Variants in STK40 observed in about 807,000 individuals in gnomAD.
The protein encoded by STK40 is serine/threonine kinase 40.
Under a neutral mutation model 47.9 loss-of-function variants are expected in STK40, and 13 were observed. That is an observed-to-expected ratio of 0.27 (90% CI 0.18 to 0.43). The LOEUF (loss-of-function observed/expected upper bound fraction) is 0.43, where lower values mean the gene tolerates loss of function less well. STK40 is among the 20% of genes least tolerant of loss of function. The probability of loss-of-function intolerance (pLI) is 1.00; values close to 1 mark genes in which losing one functional copy is unlikely to be tolerated. For missense variants in STK40, 460 were observed against 595.1 expected (o/e 0.77, Z 2.36); for synonymous variants, 225 against 243.2 (o/e 0.93, Z 0.69).
At chr1:36,346,137 G>T (rs1646700624) in intron 7 of STK40, among the ~76,000 whole-genome samples, 1 of 150,244 alleles carries the variant, frequency 6.7e-6, no homozygotes, top group Non-Finnish European at 1.5e-5. Flanking sequence ...TGGGACTATA[G>T]GCACCCGCCA....
intron 1 of STK40, among the ~76,000 whole-genome samples, chr1:36,380,278 G>C (rs1048548717): frequency 6.6e-6 from 1 of 152,118 alleles, no homozygotes; most frequent in Non-Finnish European, 1.5e-5. Context: ...CAAACCCAAG[G>C]ACAAATCATG....
intron 7 of STK40, among the ~76,000 whole-genome samples, chr1:36,347,334 A>G (rs1646712019): frequency 6.6e-6 from 1 of 152,080 alleles, no homozygotes; most frequent in South Asian, 2.1e-4. Context: ...CCGGTTCCCT[A>G]AAGGATTTGG....
chr1:36,354,417 C>T lies in STK40; in HGVS notation c.571-1G>A. On this transcript the variant is annotated splice_acceptor_variant, in intron 5 of 10. Coordinates refer to ENST00000373132, the MANE Select transcript of STK40 (RefSeq NM_001282547.2). LOFTEE classifies it high-confidence loss of function. Reference sequence around the variant, plus strand: ...TCAGGTCTCTGTGCACGATATTTTTCTGTAAAACAACAGGCGTATGGTTTA... The same window carrying T: ...TCAGGTCTCTGTGCACGATATTTTTTTGTAAAACAACAGGCGTATGGTTTA... 1 of 1,613,976 alleles carries T rather than the reference C, an allele frequency of 6.2e-7. No individual in the cohort carries two copies. The highest frequency in any genetic ancestry group is 8.5e-7 in the Non-Finnish European group (1 of 1,179,932).
Position 36,355,456 on chromosome 1 carries a change from A to G in STK40, c.343-23T>C, listed in dbSNP as rs772906404. 20 of 1,613,344 alleles carry G rather than the reference A, an allele frequency of 1.2e-5. No individual in the cohort carries two copies. In the African/African-American group the frequency reaches 2.5e-4, roughly 20 times the overall value. On this transcript the variant is annotated intron_variant, in intron 4 of 10. Transcript: ENST00000373132. ...GTCCTGGGAGGCAAGGGGGTAGCGC[A>G]GGGCTTGGCTGTGAACTTGGCAGGG...
chr1:36,345,991 A>ATATTTTTTTTTT, intron 7 of STK40, among the ~76,000 whole-genome samples: 60 of 26,466 alleles, frequency 2.3e-3, no homozygotes, highest in Non-Finnish European at 3.7e-3. Flanking sequence ...ATATATATAT[A>ATATTTTTTTTTT]TTTTTTTTTT....
chr1:36,379,550 T>G (rs1363626237), intron 1 of STK40, among the ~76,000 whole-genome samples: 3 of 152,030 alleles, frequency 2.0e-5, no homozygotes, highest in Non-Finnish European at 4.4e-5. Flanking sequence ...CCGGCTAATT[T>G]TTTGTATTTT....
intron 6 of STK40, among the ~76,000 whole-genome samples, chr1:36,352,170 C>A (rs1646764499): frequency 6.6e-6 from 1 of 152,168 alleles, no homozygotes; most frequent in Non-Finnish European, 1.5e-5. Flanking sequence ...GACCGCTGGG[C>A]CCTCACCAGG....
At chr1:36,342,306 C>T (rs1646656776) in intron 10 of STK40, 4 of 345,250 alleles carry the variant, frequency 1.2e-5, no homozygotes, top group South Asian at 2.7e-5. Context: ...AGCCCTGAGG[C>T]GGCTAATGCA....
chr1:36,370,092 G>A (rs1314336434), intron 1 of STK40, among the ~76,000 whole-genome samples: 3 of 152,250 alleles, frequency 2.0e-5, no homozygotes, highest in Non-Finnish European at 4.4e-5. Flanking sequence ...TCCAGGAAAA[G>A]TCCCATGTCA....
intron 6 of STK40, among the ~76,000 whole-genome samples, chr1:36,350,534 T>C (rs988626529): frequency 6.6e-6 from 1 of 152,178 alleles, no homozygotes; most frequent in Non-Finnish European, 1.5e-5. Context: ...TAAACCTCAA[T>C]TTCCTCATGC....
intron 7 of STK40, among the ~76,000 whole-genome samples, chr1:36,347,226 T>C (rs1646711093): frequency 6.6e-6 from 1 of 152,202 alleles, no homozygotes; most frequent in Non-Finnish European, 1.5e-5. Context: ...GCTCGGCCAC[T>C]GCACGGAAAG....
At chr1:36,372,132 C>CATAATGAT (rs1183036258) in intron 1 of STK40, among the ~76,000 whole-genome samples, 10 of 152,134 alleles carry the variant, frequency 6.6e-5, no homozygotes, top group Non-Finnish European at 1.2e-4. Context: ...AGGGCTGGTA[C>CATAATGAT]ATAATGATAA....
At chr1:36,371,638 T>A (rs1364147083) in intron 1 of STK40, among the ~76,000 whole-genome samples, 1 of 133,108 alleles carries the variant, frequency 7.5e-6, no homozygotes, top group African/African-American at 2.9e-5. Flanking sequence ...GATCATGTGA[T>A]CCTGCCACTG....
At chr1:36,378,986 C>T (rs564797635) in intron 1 of STK40, among the ~76,000 whole-genome samples, 45 of 152,296 alleles carry the variant, frequency 3.0e-4, no homozygotes, top group African/African-American at 9.9e-4. Context: ...GTCCCCAAGG[C>T]GCTGAACCGA....
intron 1 of STK40, among the ~76,000 whole-genome samples, chr1:36,368,529 G>T (rs1302193167): frequency 6.6e-6 from 1 of 152,200 alleles, no homozygotes; most frequent in East Asian, 1.9e-4. Context: ...TAGGATTACA[G>T]GCGTGAGCCA....
intron 6 of STK40, among the ~76,000 whole-genome samples, chr1:36,349,890 G>A (rs1570439177): frequency 6.6e-6 from 1 of 152,280 alleles, no homozygotes; most frequent in Admixed American, 6.5e-5. Context: ...CTGGCTGGGT[G>A]GAGAAGCTAG....
At chr1:36,360,570 C>T (rs1214754975) in intron 2 of STK40, among the ~76,000 whole-genome samples, 1 of 151,656 alleles carries the variant, frequency 6.6e-6, no homozygotes, top group Non-Finnish European at 1.5e-5. Flanking sequence ...GAGTCTCGCA[C>T]CGTTGCCTAG....
Position 36,361,312 on chromosome 1 carries a change from G to A in STK40, c.21C>T (p.Asp7=), listed in dbSNP as rs374660378. 1.2e-6 allele frequency: 2 copies of A among 1,614,214 alleles called. No homozygotes were observed. The highest frequency in any genetic ancestry group is 2.2e-5 in the East Asian group (1 of 44,890). The change falls in exon 2 of 11, where the codon GAC becomes GAT. Residue 7 remains aspartate, a synonymous_variant. Transcript: ENST00000373132. MKRRAS[D]RGAGETSARA... ...TGGCCGACGTTTCCCCAGCTCCTCT[G>A]TCTGATGCTCTCCGCTTCATTCTCA...
At position 36,339,948 on chromosome 1, in the gene STK40, G is replaced by T. The variant is rs1157057468; in HGVS notation, c.*1807C>A. 6.6e-6 allele frequency: 1 copy of T among 152,376 alleles called. No homozygotes were observed. Among genetic ancestry groups the T allele is most frequent in the Non-Finnish European group, 1.5e-5 (1 of 68,074 alleles). The allele number at this position is 152,376 out of a possible 1,614,324, so 9.4% of individuals were successfully genotyped here. ...GGGACCCGGTGGGCTGCTGAGAGGG[G>T]GCTCCGCTGCGACGGGCCCTGGCCC... On this transcript the variant is annotated 3_prime_UTR_variant, in exon 11 of 11. Transcript: ENST00000373132.
Sources: allele counts gnomAD v4.1 joint callset (sites outside exome capture counted in the v4.1 genomes callset), GRCh38; gene constraint gnomAD v4.1.1; transcripts MANE v1.5; gene names NCBI Gene and HGNC (gene_info 2026-07-23, HGNC 2026-07-21).